FMR1: variants seen among roughly 807,000 people sequenced by gnomAD.
FMR1 encodes the protein FMRP translational regulator 1.
FMR1 carries 13 observed loss-of-function variants against 50.6 expected under a neutral mutation model. That is an observed-to-expected ratio of 0.26 (90% confidence interval 0.17 to 0.41). The LOEUF is 0.41. Among genes scored for constraint, FMR1 ranks in the 10% least tolerant of loss-of-function variants. The pLI, the probability that FMR1 is intolerant of heterozygous loss-of-function variation, is 1.00. For synonymous variants in FMR1, 138 were observed against 164.1 expected, an observed-to-expected ratio of 0.84 and a Z score of 1.22; for missense variants, 316 against 491.3, an observed-to-expected ratio of 0.64 and a Z score of 3.37.
Position 147,921,810 on chromosome X carries a change from C to T in FMR1, c.52-123C>T, listed in dbSNP as rs917642045. The T allele has an allele frequency of 2.3e-5, 11 of 483,660 alleles. No individual in the cohort carries two copies. In the Admixed American group the frequency reaches 3.3e-4, roughly 15 times the overall value. 39.9% of individuals were successfully genotyped at this position (483,660 alleles called of 1,213,427 possible). A position where few individuals can be genotyped will look rare whatever the true frequency, so the allele number is the denominator to read the frequency against. On this transcript the variant is annotated intron_variant, in intron 1 of 16. Transcript: ENST00000370475. ...GAATAAAATGATCTTCAAAAACTGA[C>T]CTTCATTTGAAGTTCTATTTTATTC...
Position 147,950,054 on chromosome X carries a change from T to G in FMR1, c.*1210T>G. On this transcript the variant is annotated 3_prime_UTR_variant, in exon 17 of 17. Transcript: ENST00000370475. The stretch of plus-strand genomic sequence containing the variant: ...TCTTTTTTTCTTTTGTTTTTTGAAG[T>G]GTTGGGGTTTGGTTTTGTTTTTTGA... The G allele has an allele frequency of 3.1e-6, 1 of 321,172 alleles. No homozygotes were observed. The highest frequency in any genetic ancestry group is 6.0e-6 in the Non-Finnish European group (1 of 167,938). The allele number at this position is 321,172 out of a possible 1,213,427, so 26.5% of individuals were successfully genotyped here. A position where few individuals can be genotyped will look rare whatever the true frequency, so the allele number is the denominator to read the frequency against.
chrX:147,937,317 A>C, intron 10 of FMR1, 149 bp from the exon 11 acceptor site: 1 of 454,884 alleles, frequency 2.2e-6, no homozygotes, highest in Non-Finnish European at 3.9e-6. Flanking sequence ...TTTTCTGCGT[A>C]CAATTTGTAT....
chrX:147,928,900 A>G (rs782613225), intron 5 of FMR1, 93 bp downstream of exon 5: 25 of 956,091 alleles, frequency 2.6e-5, no homozygotes, highest in Non-Finnish European at 3.7e-5. Context: ...TTAAACTACT[A>G]GAAATTGATT....
rs782479098 is a variant in FMR1, at chrX:147,948,766, G to A, written c.1821G>A (p.Thr607=). The change falls in exon 17 of 17, where the codon ACG becomes ACA. Residue 607 remains threonine (T), a synonymous_variant. Transcript: ENST00000370475. Reference sequence around the variant, plus strand: ...CCAGTGAAGGTAGTCGGCTGCGCACGGGTAAAGATCGTAACCAGAAGAAAG... The same window carrying A: ...CCAGTGAAGGTAGTCGGCTGCGCACAGGTAAAGATCGTAACCAGAAGAAAG... ...NTSSEGSRLR[T]GKDRNQKKEK... 3.3e-6 allele frequency: 4 copies of A among 1,209,644 alleles called. No homozygotes were observed. The highest frequency in any genetic ancestry group is 5.9e-5 in the East Asian group (2 of 33,771).
chrX:147,940,534 A>G (rs375873377), intron 12 of FMR1, 42 bp from the exon 13 acceptor site: 57 of 855,196 alleles, frequency 6.7e-5, no homozygotes, highest in Non-Finnish European at 8.9e-5. Context: ...AGATTAATCT[A>G]TCATTACTTT....
At chrX:147,928,564 A>G (rs1442410691) in intron 4 of FMR1, 95 bp from the exon 5 acceptor site, 1 of 878,387 alleles carries the variant, frequency 1.1e-6, no homozygotes, top group African/African-American at 2.1e-5. Context: ...AAATTTTTTC[A>G]CATAGATTAT....
rs368581020 is a variant in FMR1 at position 147,918,555 on chromosome X, C to CTTTTTTTTTTTTTTT, written c.52-3367_52-3353dup. Among the ~76,000 whole-genome samples the CTTTTTTTTTTTTTTT allele has an allele frequency of 6.1e-3, 288 of 47,268 alleles. 46 individuals carry two copies. The highest frequency in any genetic ancestry group is 8.3e-3 in the African/African-American group (77 of 9,273). 41.0% of individuals were successfully genotyped at this position (47,268 alleles called of 115,157 possible). On this transcript the variant is annotated intron_variant, in intron 1 of 16. Coordinates refer to ENST00000370475, the MANE Select transcript of FMR1 (RefSeq NM_002024.6). ...GAAATGCATTCAGAGCCTGCAAAAGCTTTTTTTTTTTTTTTTTTTTTTTTT... is the reference window on the plus strand; with the variant it reads ...GAAATGCATTCAGAGCCTGCAAAAGCTTTTTTTTTTTTTTTTTTTTTTTTTTTTTTTTTTTTTTTT...
chrX:147,940,160 CAAA>C (rs782591628), intron 12 of FMR1: 24 of 31,851 alleles, frequency 7.5e-4, no homozygotes, highest in Admixed American at 1.9e-3. Context: ...GACTCCGTCT[CAAA>C]AAAAAAAAAA....
Position 147,937,617 on chromosome X carries a change from A to G in FMR1, c.1125+17A>G, listed in dbSNP as rs1557179909. The stretch of plus-strand genomic sequence containing the variant: ...GTCCAGAGGGTAAGAATTACTTGTC[A>G]CTTTGAATTACAATACAAGTAATTT... On this transcript the variant is annotated intron_variant, in intron 11 of 16. Coordinates refer to ENST00000370475, the MANE Select transcript of FMR1 (RefSeq NM_002024.6). 5 of 739,499 alleles carry G rather than the reference A, an allele frequency of 6.8e-6. No individual in the cohort carries two copies. In the Admixed American group the frequency reaches 1.1e-4, roughly 16 times the overall value. The allele number at this position is 739,499 out of a possible 1,213,427, so 60.9% of individuals were successfully genotyped here.
intron 14 of FMR1, 99 bp from the exon 15 acceptor site, chrX:147,944,770 T>A: frequency 1.8e-6 from 2 of 1,118,273 alleles, no homozygotes; most frequent in South Asian, 4.5e-5. Flanking sequence ...TTGGGAAGAG[T>A]TTTGGATTAC....
intron 16 of FMR1, among the ~76,000 whole-genome samples, chrX:147,948,148 G>A (rs908570249): frequency 8.9e-6 from 1 of 112,069 alleles, no homozygotes. Context: ...TTTTTCTACT[G>A]TATGACTATG....
In FMR1 at chrX:147,950,921, A is replaced by G. The variant is rs782470399; in HGVS notation, c.*2077A>G. 8.2e-5 allele frequency: 23 copies of G among 279,681 alleles called. No individual in the cohort carries two copies. Among genetic ancestry groups the G allele is most frequent in the South Asian group, 7.4e-4 (22 of 29,743 alleles). The allele number at this position is 279,681 out of a possible 1,213,427, so 23.0% of individuals were successfully genotyped here. A position where few individuals can be genotyped will look rare whatever the true frequency, so the allele number is the denominator to read the frequency against. The stretch of plus-strand genomic sequence containing the variant: ...CTAACTTGCTTAAATGTGAATTACT[A>G]ACTTCTAAAACTGTACTTTGATTCA... On this transcript the variant is annotated 3_prime_UTR_variant, in exon 17 of 17. Coordinates refer to ENST00000370475, the MANE Select transcript of FMR1 (RefSeq NM_002024.6).
chrX:147,947,747 C>T (rs2124583946), intron 16 of FMR1, among the ~76,000 whole-genome samples: 1 of 110,931 alleles, frequency 9.0e-6, no homozygotes, highest in Non-Finnish European at 1.9e-5. Flanking sequence ...AGTACTGAAT[C>T]CTTGGTAACG....
intron 1 of FMR1, among the ~76,000 whole-genome samples, chrX:147,912,492 G>C (rs1052288233): frequency 8.9e-6 from 1 of 112,409 alleles, no homozygotes; most frequent in Non-Finnish European, 1.9e-5. Context: ...GCCCCGCCGG[G>C]GTGAGCTGGG....
chrX:147,912,160 C>CT lies in FMR1; in HGVS notation c.-19dup. 2.7e-6 allele frequency: 3 copies of CT among 1,110,707 alleles called. No individual in the cohort carries two copies. The highest frequency in any genetic ancestry group is 3.6e-6 in the Non-Finnish European group (3 of 842,943). The allele number at this position is 1,110,707 out of a possible 1,213,427, so 91.5% of individuals were successfully genotyped here. On this transcript the variant is annotated 5_prime_UTR_variant, in exon 1 of 17. Transcript: ENST00000370475. ...ACCTCTCGGGGGCGGGCTCCCGGCG[C>CT]TAGCAGGGCTGAAGAGAAGATGGAG...
At chrX:147,942,275 A>G (rs2044034696) in intron 13 of FMR1, among the ~76,000 whole-genome samples, 1 of 112,252 alleles carries the variant, frequency 8.9e-6, no homozygotes, top group Non-Finnish European at 1.9e-5. Flanking sequence ...TACTATAGTT[A>G]TGAATCTGAT....
intron 12 of FMR1, chrX:147,940,255 T>C: frequency 1.6e-5 from 4 of 251,254 alleles, no homozygotes; most frequent in Middle Eastern, 1.4e-3. Context: ...CATCTTATAC[T>C]ACTCATTTTG....
At chrX:147,935,246 T>G (rs2043750373) in intron 9 of FMR1, among the ~76,000 whole-genome samples, 1 of 111,756 alleles carries the variant, frequency 8.9e-6, no homozygotes, top group Non-Finnish European at 1.9e-5. Flanking sequence ...GAATCCTGAT[T>G]TAATGGTGTC....
chrX:147,934,624 T>G (rs2043725679), intron 9 of FMR1, among the ~76,000 whole-genome samples: 1 of 111,849 alleles, frequency 8.9e-6, no homozygotes, highest in African/African-American at 3.3e-5. Context: ...TAAAAGTAGA[T>G]TCTACCTGTG....
Sources: allele counts gnomAD v4.1 joint callset (sites outside exome capture counted in the v4.1 genomes callset), GRCh38; gene constraint gnomAD v4.1.1; transcripts MANE v1.5; gene names NCBI Gene and HGNC (gene_info 2026-07-23, HGNC 2026-07-21).